Variants in SLIT2 observed in about 807,000 individuals in gnomAD.
The protein encoded by SLIT2 is slit homolog 2 protein.
In SLIT2, 41 loss-of-function variants were observed where a neutral mutation model predicts 185.7. That is an observed-to-expected ratio of 0.22 (90% CI 0.17 to 0.29). SLIT2 has a LOEUF of 0.29. Ranked by LOEUF, SLIT2 falls within the 10% of genes least tolerant of loss-of-function variation. The pLI, the probability that SLIT2 is intolerant of heterozygous loss-of-function variation, is 1.00. For synonymous variants in SLIT2, 693 were observed against 680.2 expected, an observed-to-expected ratio of 1.02 and a Z score of -0.29; for missense variants, 1,571 against 1,909.0, an observed-to-expected ratio of 0.82 and a Z score of 3.30.
Position 20,576,323 on chromosome 4 carries a change from A to G in SLIT2, c.3088+7319A>G, listed in dbSNP as rs139604858. ...TTCAGTATTGTCTGTCTTTATTATTATTGTTTTTAATTGTACTTTGTATGC... is the reference window on the plus strand; with the variant it reads ...TTCAGTATTGTCTGTCTTTATTATTGTTGTTTTTAATTGTACTTTGTATGC... On this transcript the variant is annotated intron_variant, in intron 29 of 36. Transcript: ENST00000504154. Among the ~76,000 whole-genome samples the G allele has an allele frequency of 2.4e-4, 37 of 152,230 alleles. 1 individual carries two copies. The highest frequency in any genetic ancestry group is 8.2e-4 in the African/African-American group (34 of 41,536).
intron 4 of SLIT2, among the ~76,000 whole-genome samples, chr4:20,375,713 C>G (rs1723958266): frequency 6.6e-6 from 1 of 151,724 alleles, no homozygotes; most frequent in African/African-American, 2.4e-5. Flanking sequence ...ACAACCTGGT[C>G]ATTACAATAA....
chr4:20,440,327 G>A (rs141767124), intron 4 of SLIT2, among the ~76,000 whole-genome samples: 29 of 152,242 alleles, frequency 1.9e-4, no homozygotes, highest in African/African-American at 6.7e-4. Flanking sequence ...TCTGGGCTTG[G>A]CAGGGATGCA....
intron 11 of SLIT2, among the ~76,000 whole-genome samples, chr4:20,515,867 G>A (rs1251957798): frequency 1.3e-5 from 2 of 152,156 alleles, no homozygotes. Flanking sequence ...CGAGGCTGGA[G>A]TACAATGGCG....
intron 4 of SLIT2, among the ~76,000 whole-genome samples, chr4:20,463,918 C>T (rs1317050492): frequency 1.3e-5 from 2 of 151,490 alleles, no homozygotes; most frequent in African/African-American, 4.9e-5. Context: ...TCATAATTAG[C>T]ACTCCAAATT....
chr4:20,616,819 G>T, intron 34 of SLIT2, 91 bp from the exon 35 acceptor site: 1 of 1,385,404 alleles, frequency 7.2e-7, no homozygotes, highest in Non-Finnish European at 9.8e-7. Flanking sequence ...TAATAGGTTG[G>T]CAGTGAGGTC....
chr4:20,366,130 A>C (rs1723097909), intron 4 of SLIT2, among the ~76,000 whole-genome samples: 1 of 152,066 alleles, frequency 6.6e-6, no homozygotes, highest in Non-Finnish European at 1.5e-5. Flanking sequence ...GCCTCTTGTC[A>C]TTCTTAATCT....
At chr4:20,479,578 T>C (rs1716482954) in intron 5 of SLIT2, among the ~76,000 whole-genome samples, 1 of 151,766 alleles carries the variant, frequency 6.6e-6, no homozygotes, top group African/African-American at 2.4e-5. Flanking sequence ...TTAACTGAAA[T>C]AATAGCATCT....
Position 20,252,648 on chromosome 4 carries a change from G to A in SLIT2, c.-1168G>A, listed in dbSNP as rs1037864751. Among the ~76,000 whole-genome samples the A allele has an allele frequency of 6.6e-6, 1 of 152,226 alleles. No homozygotes were observed. Among genetic ancestry groups the A allele is most frequent in the Non-Finnish European group, 1.5e-5 (1 of 68,046 alleles). On this transcript the variant is annotated 5_prime_UTR_variant, in exon 1 of 37. The change creates a new upstream start codon in the 5' untranslated region. Transcript: ENST00000504154. ...TTGTTTCTTCTACCTTTGCCATCAG[G>A]TGTCTGCCGCGGAGCTGCGGCTTAT...
Position 20,253,086 on chromosome 4 carries a change from C to G in SLIT2, c.-730C>G, listed in dbSNP as rs1722166855. Among the ~76,000 whole-genome samples the G allele has an allele frequency of 6.6e-6, 1 of 152,148 alleles. No homozygotes were observed. The highest frequency in any genetic ancestry group is 6.5e-5 in the Admixed American group (1 of 15,280). ...GCGGGATTGCCCAGACATCCTTCAG[C>G]GAAGTGCATGTGTGTTTGTAAACCA... On this transcript the variant is annotated 5_prime_UTR_variant, in exon 1 of 37. Coordinates refer to ENST00000504154, the MANE Select transcript of SLIT2 (RefSeq NM_004787.4).
chr4:20,275,025 TA>T (rs1157120935), intron 4 of SLIT2, among the ~76,000 whole-genome samples: 2 of 152,140 alleles, frequency 1.3e-5, no homozygotes, highest in African/African-American at 4.8e-5. Context: ...CATATTCATG[TA>T]AAAAATATAT....
chr4:20,472,524 C>CTATATA (rs1296023442), intron 5 of SLIT2, among the ~76,000 whole-genome samples: 2 of 7,752 alleles, frequency 2.6e-4, no homozygotes, highest in Non-Finnish European at 3.9e-4. Context: ...AGATATATAT[C>CTATATA]TATATATAGA....
intron 29 of SLIT2, among the ~76,000 whole-genome samples, chr4:20,575,597 C>T (rs1726020732): frequency 6.6e-6 from 1 of 152,108 alleles, no homozygotes; most frequent in Non-Finnish European, 1.5e-5. Flanking sequence ...TGGAGCCTGT[C>T]CCTTCTGCCT....
chr4:20,438,797 C>G (rs1252025324), intron 4 of SLIT2, among the ~76,000 whole-genome samples: 1 of 152,204 alleles, frequency 6.6e-6, no homozygotes, highest in Non-Finnish European at 1.5e-5. Flanking sequence ...GCCATTCGTT[C>G]TGTCTAGAAT....
chr4:20,385,576 C>G (rs993447811), intron 4 of SLIT2, among the ~76,000 whole-genome samples: 1 of 152,154 alleles, frequency 6.6e-6, no homozygotes, highest in African/African-American at 2.4e-5. Context: ...CCTTCACTTG[C>G]TGAGCCTCTG....
chr4:20,545,780 G>T (rs1175922179), intron 21 of SLIT2, among the ~76,000 whole-genome samples: 3 of 151,890 alleles, frequency 2.0e-5, no homozygotes, highest in African/African-American at 7.3e-5. Flanking sequence ...GAATCTCCTT[G>T]CTTGCACACA....
rs573465960 is a variant in SLIT2, at chr4:20,567,749, T to C, written c.2948+134T>C. The C allele has an allele frequency of 1.7e-5, 12 of 686,936 alleles. 1 individual carries two copies. In the South Asian group the frequency reaches 2.1e-4, roughly 12 times the overall value. 42.6% of individuals were successfully genotyped at this position (686,936 alleles called of 1,614,324 possible). On this transcript the variant is annotated intron_variant, in intron 28 of 36. Coordinates refer to ENST00000504154, the MANE Select transcript of SLIT2 (RefSeq NM_004787.4). Reference sequence around the variant, plus strand: ...TGAGAGAAATGGCAATATGTATTGGTCCCTCTCGTAGATATTGCAATATAA... The same window carrying C: ...TGAGAGAAATGGCAATATGTATTGGCCCCTCTCGTAGATATTGCAATATAA...
chr4:20,472,592 ATATATC>A (rs1463762442), intron 5 of SLIT2, among the ~76,000 whole-genome samples: 1 of 19,400 alleles, frequency 5.2e-5, no homozygotes, highest in Non-Finnish European at 7.9e-5. Context: ...ATATATAGAT[ATATATC>A]TATAGATATA....
intron 4 of SLIT2, among the ~76,000 whole-genome samples, chr4:20,449,438 TCA>T (rs1712219239): frequency 6.6e-6 from 1 of 152,172 alleles, no homozygotes; most frequent in Non-Finnish European, 1.5e-5. Flanking sequence ...TGAGGGAGTC[TCA>T]CTCTGTCGCA....
chr4:20,490,756 TACTA>T (rs1717712582), intron 8 of SLIT2: 29 of 1,336,830 alleles, frequency 2.2e-5, no homozygotes, highest in Non-Finnish European at 2.9e-5. Flanking sequence ...AACAGTTCGT[TACTA>T]ACCACTTTTT....
Sources: gnomAD v4.1 joint callset for allele counts (sites outside exome capture counted in the v4.1 genomes callset) on GRCh38, gnomAD v4.1.1 for gene constraint, MANE v1.5 for transcripts, NCBI Gene and HGNC (gene_info 2026-07-23, HGNC 2026-07-21) for gene names.